ATPSCKMT: variants seen among roughly 807,000 people sequenced by gnomAD.
ATPSCKMT encodes the protein ATP synthase subunit C lysine N-methyltransferase.
ATPSCKMT carries 24 observed loss-of-function variants against 24.3 expected under a neutral mutation model. That is an observed-to-expected ratio of 0.99 (90% CI 0.71 to 1.39). The LOEUF (loss-of-function observed/expected upper bound fraction) is 1.39, where lower values mean the gene tolerates loss of function less well. ATPSCKMT is among the 40% of genes most tolerant of loss of function. The pLI is 0.00. For synonymous variants in ATPSCKMT, 95 were observed against 110.5 expected, an observed-to-expected ratio of 0.86 and a Z score of 0.88; for missense variants, 311 against 298.4, an observed-to-expected ratio of 1.04 and a Z score of -0.31.
chr5:10,244,584 C>T (rs1050271793), intron 1 of ATPSCKMT: 1 of 152,176 alleles, frequency 6.6e-6, no homozygotes, highest in South Asian at 2.1e-4. Flanking sequence ...ACAAAGTATG[C>T]CTCTGTTTGC....
intron 1 of ATPSCKMT, among the ~76,000 whole-genome samples, chr5:10,247,007 G>A (rs1744966781): frequency 6.6e-6 from 1 of 152,234 alleles, no homozygotes; most frequent in Admixed American, 6.5e-5. Context: ...AGCCTTTCTG[G>A]AGCACAGAGT....
intron 2 of ATPSCKMT, 103 bp from the exon 3 acceptor site, chr5:10,236,718 A>G: frequency 6.6e-7 from 1 of 1,517,400 alleles, no homozygotes; most frequent in Non-Finnish European, 8.8e-7. Flanking sequence ...ATCCAATCAA[A>G]AAGCACCTCC....
rs537129129 is a variant in ATPSCKMT, at chr5:10,233,829, G to A, written c.495+1382C>T. 2.8e-4 allele frequency among the ~76,000 whole-genome samples: 43 copies of A among 152,254 alleles called. No individual in the cohort carries two copies. In the South Asian group the frequency reaches 8.1e-3, roughly 29 times the overall value. Reference sequence around the variant, plus strand: ...CCAAAAAGCTAACAATTCCATTTTAGAACGAAAGCCCAAACATCACAGGTA... The same window carrying A: ...CCAAAAAGCTAACAATTCCATTTTAAAACGAAAGCCCAAACATCACAGGTA... On this transcript the variant is annotated intron_variant, in intron 4 of 4. Transcript: ENST00000511437.
chr5:10,242,199 G>A (rs367928805), intron 1 of ATPSCKMT, among the ~76,000 whole-genome samples: 32 of 152,196 alleles, frequency 2.1e-4, no homozygotes, highest in African/African-American at 4.6e-4. Context: ...ATTGCTCTGC[G>A]GCATGTGATG....
intron 4 of ATPSCKMT, among the ~76,000 whole-genome samples, chr5:10,228,982 T>G (rs998871176): frequency 6.6e-6 from 1 of 152,234 alleles, no homozygotes; most frequent in Non-Finnish European, 1.5e-5. Flanking sequence ...TTCCTCTCTT[T>G]GAACATTTTT....
intron 2 of ATPSCKMT, chr5:10,236,823 G>C: frequency 2.0e-6 from 3 of 1,484,446 alleles, no homozygotes; most frequent in Non-Finnish European, 2.7e-6. Context: ...TTCCTTGATT[G>C]GTTAAAGACT....
At chr5:10,249,804 C>A (rs893465583) in intron 1 of ATPSCKMT, 54 bp downstream of exon 1, 11 of 1,535,768 alleles carry the variant, frequency 7.2e-6, no homozygotes, top group African/African-American at 1.4e-5. Context: ...GCCCCCGGCC[C>A]GCCCGCACCC....
Position 10,227,639 on chromosome 5 carries a change from C to A in ATPSCKMT, c.504G>T (p.Gln168His), listed in dbSNP as rs1159273409. 4 of 1,614,042 alleles carry A rather than the reference C, an allele frequency of 2.5e-6. No individual in the cohort carries two copies. The highest frequency in any genetic ancestry group is 1.3e-5 in the African/African-American group (1 of 74,934). ...GTTCACGTTCAAGTTTCTTCTCCAA[C>A]TGCAGCATCTGTGGAGAGTAACAGC... Reference protein sequence around the residue: ...VIFGVPQMMLQLEKKLERELE... With the variant: ...VIFGVPQMMLHLEKKLERELE... Residue 168 changes from glutamine to histidine, a missense_variant, in exon 5 of 5, where the codon CAG (glutamine) becomes CAT (histidine). Transcript: ENST00000511437.
intron 4 of ATPSCKMT, among the ~76,000 whole-genome samples, chr5:10,233,418 C>T (rs962442555): frequency 2.2e-4 from 34 of 152,320 alleles, no homozygotes; most frequent in Admixed American, 1.4e-3. Flanking sequence ...ATCTCTATTA[C>T]AGGGAACGTG....
Position 10,236,608 on chromosome 5 carries a change from G to A in ATPSCKMT, c.314C>T (p.Ala105Val), listed in dbSNP as rs16884350. Residue 105 changes from alanine (A) to valine (V), a missense_variant, in exon 3 of 5, where the codon GCG becomes GTG. Physicochemically the swap from Ala to Val is moderately conservative, Grantham distance 64. Transcript: ENST00000511437. ...TGCTGTGAACCCTTTCTTCGCAGCC[G>A]CTATGACCTGTGGAGAGAGGCAGGA... ...IGSGDGRIVI[A>V]AAKKGFTAVG... The A allele has an allele frequency of 1.8e-3, 2,960 of 1,613,644 alleles. 50 individuals carry two copies. The African/African-American group carries it at 0.033, about 18-fold the overall frequency.
chr5:10,246,917 A>G (rs1285760004), intron 1 of ATPSCKMT, among the ~76,000 whole-genome samples: 2 of 152,216 alleles, frequency 1.3e-5, no homozygotes, highest in Admixed American at 6.5e-5. Context: ...CAATGGGACC[A>G]GTGAGGTGTT....
chr5:10,235,319 T>C, intron 3 of ATPSCKMT, 58 bp from the exon 4 acceptor site: 1 of 1,466,830 alleles, frequency 6.8e-7, no homozygotes, highest in South Asian at 1.2e-5. Context: ...ACGTGAAGCT[T>C]AACTTGTTTT....
chr5:10,237,436 C>T (rs941396297), intron 2 of ATPSCKMT, among the ~76,000 whole-genome samples: 1 of 152,154 alleles, frequency 6.6e-6, no homozygotes, highest in Admixed American at 6.5e-5. Flanking sequence ...TCTTGAATTC[C>T]CATGTGTTGT....
At chr5:10,233,426 G>A (rs1464873951) in intron 4 of ATPSCKMT, among the ~76,000 whole-genome samples, 1 of 152,196 alleles carries the variant, frequency 6.6e-6, no homozygotes. Flanking sequence ...TACAGGGAAC[G>A]TGGACACTTT....
rs776028020 is a variant in ATPSCKMT at position 10,226,306 on chromosome 5, C to G, written c.*1135G>C. 6.6e-6 allele frequency: 1 copy of G among 152,214 alleles called. No homozygotes were observed. The highest frequency in any genetic ancestry group is 6.5e-5 in the Admixed American group (1 of 15,284). The allele number at this position is 152,214 out of a possible 1,614,324, so 9.4% of individuals were successfully genotyped here. ...AATGAATGTGTCCCCAGATGTTTCT[C>G]ATTTAAATGAAAATGATCAAACTGA... On this transcript the variant is annotated 3_prime_UTR_variant, in exon 5 of 5. Transcript: ENST00000511437.
rs374015319 is a variant in ATPSCKMT, at chr5:10,237,585, C to G, written c.307-970G>C. On this transcript the variant is annotated intron_variant, in intron 2 of 4. Coordinates refer to ENST00000511437, the MANE Select transcript of ATPSCKMT (RefSeq NM_199133.4). ...CTGCGCAAGCTCTCTCCTTGCCTGC[C>G]ACCATCAATGTAAGACATGACTTGC... 7.2e-5 allele frequency among the ~76,000 whole-genome samples: 11 copies of G among 152,196 alleles called. No individual in the cohort carries two copies. The East Asian group carries it at 2.1e-3, about 29-fold the overall frequency.
intron 4 of ATPSCKMT, among the ~76,000 whole-genome samples, chr5:10,229,353 GAT>G (rs1744023420): frequency 1.3e-5 from 2 of 152,154 alleles, no homozygotes; most frequent in Admixed American, 6.5e-5. Flanking sequence ...TGGGTCCTCT[GAT>G]GTGTGCTCAT....
At chr5:10,228,679 A>T (rs1743989794) in intron 4 of ATPSCKMT, among the ~76,000 whole-genome samples, 1 of 152,018 alleles carries the variant, frequency 6.6e-6, no homozygotes, top group African/African-American at 2.4e-5. Flanking sequence ...ACCTATACCC[A>T]GGTTCAAATA....
chr5:10,239,173 C>G lies in ATPSCKMT; in HGVS notation c.200G>C (p.Cys67Ser). Residue 67 changes from cysteine (C) to serine (S), a missense_variant, in exon 2 of 5, where the codon TGT becomes TCT. By Grantham distance (112) the Cys-to-Ser change is moderately radical. Transcript: ENST00000511437. Reference protein sequence around the residue: ...PFVTPALRKVCLPFVPATTKQ... With the variant: ...PFVTPALRKVSLPFVPATTKQ... Reference sequence around the variant, plus strand: ...CGTAGTTGCAGGTACAAACGGCAAACAGACTTTTCGAAGGGCTGGCGTTAC... The same window carrying G: ...CGTAGTTGCAGGTACAAACGGCAAAGAGACTTTTCGAAGGGCTGGCGTTAC... The G allele has an allele frequency of 2.5e-6, 4 of 1,614,178 alleles. No homozygotes were observed.
Sources: allele counts gnomAD v4.1 joint callset (sites outside exome capture counted in the v4.1 genomes callset), GRCh38; gene constraint gnomAD v4.1.1; transcripts MANE v1.5; gene names NCBI Gene and HGNC (gene_info 2026-07-23, HGNC 2026-07-21).